Variants in FCRL4 observed in about 807,000 individuals in gnomAD.
FCRL4 encodes the protein Fc receptor-like protein 4.
A neutral mutation model predicts 64.1 loss-of-function variants in FCRL4; 43 were observed. The ratio of observed to expected loss-of-function variants is 0.67; its 90% confidence interval spans 0.53 to 0.87. FCRL4 has a LOEUF of 0.87. FCRL4 is among the 40% of genes least tolerant of loss of function. FCRL4 has a pLI of 0.00. For missense variants in FCRL4, 656 were observed against 613.5 expected, an observed-to-expected ratio of 1.07 and a Z score of -0.73; for synonymous variants, 253 against 239.8, an observed-to-expected ratio of 1.05 and a Z score of -0.51.
chr1:157,588,231 T>C (rs991838570), intron 3 of FCRL4, 112 bp from the exon 4 acceptor site: 1 of 1,324,118 alleles, frequency 7.6e-7, no homozygotes, highest in African/African-American at 1.5e-5. Flanking sequence ...GGATGTAGTT[T>C]CCTGATCCAA....
In FCRL4 at chr1:157,578,832, G is replaced by A. The variant is rs370980965; in HGVS notation, c.1298C>T (p.Pro433Leu). ...DETRLPPAPGPGESSHSICPA... is the reference protein window; with the variant it reads ...DETRLPPAPGLGESSHSICPA... ...GCAGATGGAATGGGAGGACTCTCCTGGGCCTGGAGCGGGAGGGAGCCTGTG... is the reference window on the plus strand; with the variant it reads ...GCAGATGGAATGGGAGGACTCTCCTAGGCCTGGAGCGGGAGGGAGCCTGTG... The change falls in exon 9 of 12, where the codon CCA becomes CTA. Residue 433 changes from proline to leucine, a missense_variant. Coordinates refer to ENST00000271532, the MANE Select transcript of FCRL4 (RefSeq NM_031282.3). The A allele has an allele frequency of 2.5e-6, 4 of 1,613,578 alleles. No individual in the cohort carries two copies. The highest frequency in any genetic ancestry group is 3.4e-6 in the Non-Finnish European group (4 of 1,179,754).
intron 6 of FCRL4, 26 bp from the exon 7 acceptor site, chr1:157,581,670 C>T (rs745645975): frequency 2.5e-6 from 4 of 1,579,738 alleles, no homozygotes; most frequent in Non-Finnish European, 2.6e-6. Context: ...CTGTGTGAAT[C>T]TCAGTGGAGA....
intron 5 of FCRL4, among the ~76,000 whole-genome samples, chr1:157,587,035 C>G (rs1258953139): frequency 6.6e-6 from 1 of 152,224 alleles, no homozygotes; most frequent in East Asian, 1.9e-4. Flanking sequence ...GCTCTCAAAC[C>G]TAACTCCATG....
At chr1:157,597,300 C>T (rs542110311) in intron 1 of FCRL4, among the ~76,000 whole-genome samples, 51 of 152,270 alleles carry the variant, frequency 3.3e-4, no homozygotes, top group African/African-American at 1.0e-3. Flanking sequence ...TAGACAAATA[C>T]GCTTAATAAA....
chr1:157,580,351 G>A lies in FCRL4; in HGVS notation c.1250-3C>T, dbSNP rs1652533244. ...TTCGTCTCCCAAGAAACCAACTCCT[G>A]CAAAATAAAGCAAAGACGCATTTTT... On this transcript the variant is annotated splice_region_variant and splice_polypyrimidine_tract_variant and intron_variant, in intron 7 of 11. Coordinates refer to ENST00000271532, the MANE Select transcript of FCRL4 (RefSeq NM_031282.3). 6.2e-7 allele frequency: 1 copy of A among 1,613,972 alleles called. No individual in the cohort carries two copies. Among genetic ancestry groups the A allele is most frequent in the South Asian group, 1.1e-5 (1 of 91,076 alleles).
In FCRL4 at chr1:157,581,456, C is replaced by A. The variant is rs1337182726; in HGVS notation, c.1249+75G>T. 4 of 1,225,824 alleles carry A rather than the reference C, an allele frequency of 3.3e-6. No homozygotes were observed. In the African/African-American group the frequency reaches 4.5e-5, roughly 14 times the overall value. The allele number at this position is 1,225,824 out of a possible 1,614,324, so 75.9% of individuals were successfully genotyped here. A position where few individuals can be genotyped will look rare whatever the true frequency, so the allele number is the denominator to read the frequency against. ...AGACTTGGGAGTGGTGGCCTGGTGGCCACTAAGGCTGTCTGCATGCTGAGT... is the reference window on the plus strand; with the variant it reads ...AGACTTGGGAGTGGTGGCCTGGTGGACACTAAGGCTGTCTGCATGCTGAGT... On this transcript the variant is annotated intron_variant, in intron 7 of 11. Coordinates refer to ENST00000271532, the MANE Select transcript of FCRL4 (RefSeq NM_031282.3).
intron 1 of FCRL4, 46 bp downstream of exon 1, chr1:157,597,868 G>A: frequency 6.4e-7 from 1 of 1,572,410 alleles, no homozygotes; most frequent in Non-Finnish European, 8.7e-7. Context: ...TGCTCATGGT[G>A]AGGCTCAGCT....
intron 2 of FCRL4, among the ~76,000 whole-genome samples, chr1:157,594,137 C>G (rs560748415): frequency 6.6e-6 from 1 of 152,300 alleles, no homozygotes; most frequent in East Asian, 1.9e-4. Flanking sequence ...AGGGAAAACA[C>G]TTGTTTGGCT....
chr1:157,596,779 T>A (rs1488785038), intron 1 of FCRL4, among the ~76,000 whole-genome samples: 1 of 152,158 alleles, frequency 6.6e-6, no homozygotes, highest in Non-Finnish European at 1.5e-5. Context: ...AGACAGACAG[T>A]AGAGGGTAGT....
chr1:157,589,279 G>T lies in FCRL4; in HGVS notation c.232C>A (p.Arg78=), dbSNP rs768413114. ...TGGCATCTGTACAGTCCAGATTCCC[G>T]AACCTCGAGGGTGTTTCCTGGGGTC... The part of the protein sequence containing the change: ...TLTPGNTLEV[R]ESGLYRCQAR... Residue 78 remains arginine, a synonymous_variant, in exon 3 of 12, where the codon CGG becomes AGG. Transcript: ENST00000271532. 2 of 1,614,160 alleles carry T rather than the reference G, an allele frequency of 1.2e-6. No homozygotes were observed. The highest frequency in any genetic ancestry group is 1.7e-6 in the Non-Finnish European group (2 of 1,180,014).
At chr1:157,580,561 A>C (rs1200637002) in intron 7 of FCRL4, 1 of 565,118 alleles carries the variant, frequency 1.8e-6, no homozygotes, top group Admixed American at 3.2e-5. Context: ...TTAAGTATGT[A>C]ATTGTCTGAG....
At chr1:157,580,173 C>A in intron 8 of FCRL4, 148 bp downstream of exon 8, 1 of 850,528 alleles carries the variant, frequency 1.2e-6, no homozygotes, top group Non-Finnish European at 1.9e-6. Context: ...TAGGAAGCTT[C>A]ATTTTTGACA....
At chr1:157,577,632 T>G (rs1652444820) in intron 10 of FCRL4, among the ~76,000 whole-genome samples, 1 of 152,156 alleles carries the variant, frequency 6.6e-6, no homozygotes. Flanking sequence ...GACCAACAGT[T>G]CTGTTTTACT....
chr1:157,587,446 T>C lies in FCRL4; in HGVS notation c.677A>G (p.His226Arg). 1 of 1,614,248 alleles carries C rather than the reference T, an allele frequency of 6.2e-7. No individual in the cohort carries two copies. The highest frequency in any genetic ancestry group is 1.3e-5 in the African/African-American group (1 of 75,064). Residue 226 changes from histidine to arginine, a missense_variant, in exon 5 of 12, where the codon CAC (histidine) becomes CGC (arginine). By Grantham distance (29) the His-to-Arg change is conservative (BLOSUM62 0). Coordinates refer to ENST00000271532, the MANE Select transcript of FCRL4 (RefSeq NM_031282.3). ...CTCGCCATCTCTGAAGAAGTTGAAGTGAAGTGGGGTGTCTGACCGCTCTGG... is the reference window on the plus strand; with the variant it reads ...CTCGCCATCTCTGAAGAAGTTGAAGCGAAGTGGGGTGTCTGACCGCTCTGG... ...LPPERSDTPLHFNFFRDGEVI... is the reference protein window; with the variant it reads ...LPPERSDTPLRFNFFRDGEVI...
rs754747172 is a variant in FCRL4 at position 157,578,501 on chromosome 1, T to A, written c.1402A>T (p.Thr468Ser). The A allele has an allele frequency of 2.7e-5, 43 of 1,613,840 alleles. No individual in the cohort carries two copies. In the Admixed American group the frequency reaches 7.0e-4, roughly 26 times the overall value. ...TCCTCTTCTTCTCCCAGCTGAGTAGTCTGGATCTCAGAGTATACCAAATCT... is the reference window on the plus strand; with the variant it reads ...TCCTCTTCTTCTCCCAGCTGAGTAGACTGGATCTCAGAGTATACCAAATCT... ...KGDLVYSEIQTTQLGEEEEAN... is the reference protein window; with the variant it reads ...KGDLVYSEIQSTQLGEEEEAN... Residue 468 changes from threonine (T) to serine (S), a missense_variant, in exon 10 of 12, where the codon ACT becomes TCT. Transcript: ENST00000271532.
At chr1:157,596,976 GC>G (rs1355078348) in intron 1 of FCRL4, among the ~76,000 whole-genome samples, 3 of 152,182 alleles carry the variant, frequency 2.0e-5, no homozygotes, top group Non-Finnish European at 4.4e-5. Context: ...TACATGGGGT[GC>G]CCTTAGAAAA....
intron 2 of FCRL4, 28 bp from the exon 3 acceptor site, chr1:157,589,486 G>A: frequency 6.2e-7 from 1 of 1,607,756 alleles, no homozygotes; most frequent in Non-Finnish European, 8.5e-7. Context: ...ATAGGTCTGA[G>A]GTGGAGGTGC....
At chr1:157,589,541 C>A in intron 2 of FCRL4, 83 bp from the exon 3 acceptor site, 1 of 1,534,716 alleles carries the variant, frequency 6.5e-7, no homozygotes, top group Non-Finnish European at 8.8e-7. Context: ...CAGTGGAGGA[C>A]ATGGCTTGGG....
chr1:157,580,470 C>G (rs767322455), intron 7 of FCRL4, 122 bp from the exon 8 acceptor site: 26 of 1,030,156 alleles, frequency 2.5e-5, no homozygotes, highest in Non-Finnish European at 3.9e-5. Flanking sequence ...CTGCCCAGTC[C>G]TGGGTTTTCA....
Sources: allele counts gnomAD v4.1 joint callset (sites outside exome capture counted in the v4.1 genomes callset), GRCh38; gene constraint gnomAD v4.1.1; transcripts MANE v1.5; gene names NCBI Gene and HGNC (gene_info 2026-07-23, HGNC 2026-07-21).